PARP10: variants seen among roughly 807,000 people sequenced by gnomAD.
PARP10 encodes poly(ADP-ribose) polymerase family member 10, also known as protein mono-ADP-ribosyltransferase PARP10.
A neutral mutation model predicts 82.4 loss-of-function variants in PARP10; 56 were observed. That is an observed-to-expected ratio of 0.68 (90% CI 0.55 to 0.85). The LOEUF (loss-of-function observed/expected upper bound fraction) is 0.85. Among genes scored for constraint, PARP10 ranks in the 40% least tolerant of loss-of-function variants. The probability of loss-of-function intolerance (pLI) is 0.00; values close to 1 mark genes in which losing one functional copy is unlikely to be tolerated. For synonymous variants in PARP10, 576 were observed against 601.1 expected (o/e 0.96, Z 0.61); for missense variants, 1,227 against 1,379.4 (o/e 0.89, Z 1.75).
Position 143,984,422 on chromosome 8 carries a change from C to T in PARP10, c.1468G>A (p.Ala490Thr). The T allele has an allele frequency of 1.2e-6, 2 of 1,608,724 alleles. No individual in the cohort carries two copies. Among genetic ancestry groups the T allele is most frequent in the Non-Finnish European group, 8.5e-7 (1 of 1,178,638 alleles). ...TCAGCCGCCTGGCAGGAAGCCTGGGCTCCACAGAGCTGCAGGGCCATTGCA... is the reference window on the plus strand; with the variant it reads ...TCAGCCGCCTGGCAGGAAGCCTGGGTTCCACAGAGCTGCAGGGCCATTGCA... ...PDMTGFRLCG[A>T]QASCQAAEEF... Residue 490 changes from alanine (A) to threonine (T), a missense_variant, in exon 6 of 11, where the codon GCC (alanine) becomes ACC (threonine). Physicochemically the swap from Ala to Thr is moderately conservative, Grantham distance 58. Transcript: ENST00000313028.
At position 143,985,282 on chromosome 8, in the gene PARP10, C is replaced by A. The variant is rs1554749007; in HGVS notation, c.720G>T (p.Glu240Asp). 6.2e-7 allele frequency: 1 copy of A among 1,613,118 alleles called. No homozygotes were observed. Among genetic ancestry groups the A allele is most frequent in the Non-Finnish European group, 8.5e-7 (1 of 1,179,544 alleles). Residue 240 changes from glutamate (E) to aspartate (D), a missense_variant, in exon 5 of 11, where the codon GAG (glutamate) becomes GAT (aspartate). Coordinates refer to ENST00000313028, the MANE Select transcript of PARP10 (RefSeq NM_032789.5). ...TGTCGTAGTGGGGGACAAGGCTCAG[C>A]TCTGAGCCCTGCAACCGGTGCTCCT... ...LQQEHRLQGS[E>D]LSLVPHYDIL...
In PARP10 at chr8:143,977,686, C is replaced by T; in HGVS notation, c.2876G>A (p.Gly959Asp). 1 of 1,591,706 alleles carries T rather than the reference C, an allele frequency of 6.3e-7. No individual in the cohort carries two copies. The highest frequency in any genetic ancestry group is 8.5e-7 in the Non-Finnish European group (1 of 1,169,966). The part of the protein sequence containing the change: ...LTGDYGQGRR[G>D]LRAPPLRGPG... ...ACCCCGCAGAGGGGGCGCCCGCAGA[C>T]CGCGGCGGCCCTGCCCGTAGTCGCC... Residue 959 changes from glycine (G) to aspartate (D), a missense_variant, in exon 11 of 11, where the codon GGT (glycine) becomes GAT (aspartate). Transcript: ENST00000313028.
At chr8:143,999,043 C>T (rs1338284466) in intron 1 of PARP10, among the ~76,000 whole-genome samples, 2 of 149,936 alleles carry the variant, frequency 1.3e-5, no homozygotes, top group Non-Finnish European at 1.5e-5. Flanking sequence ...TTCCTTCTTT[C>T]TTTCTTGTTC....
In PARP10 at chr8:144,008,237, C is replaced by A. The variant is rs184186592; in HGVS notation, c.-80+4293G>T. On this transcript the variant is annotated intron_variant, in intron 1 of 3. Coordinates refer to the PARP10 transcript ENST00000530478. The surrounding 1 kb of genome is among the most constrained non-coding windows in gnomAD (Gnocchi z 4.0). ...CAGCGCACCCAGCATGGAGGCAGCACGTTGGGGCCTGTCAGGTGGATGGAA... is the reference window on the plus strand; with the variant it reads ...CAGCGCACCCAGCATGGAGGCAGCAAGTTGGGGCCTGTCAGGTGGATGGAA... Among the ~76,000 whole-genome samples, 1 of 152,274 alleles carries A rather than the reference C, an allele frequency of 6.6e-6. No homozygotes were observed. The highest frequency in any genetic ancestry group is 1.9e-4 in the East Asian group (1 of 5,166).
At chr8:143,982,166 G>C (rs1281837162) in intron 9 of PARP10, among the ~76,000 whole-genome samples, 1 of 152,174 alleles carries the variant, frequency 6.6e-6, no homozygotes, top group Non-Finnish European at 1.5e-5. Context: ...TGGGCATCAA[G>C]AGTTGAGAGT....
rs782318425 is a variant in PARP10 at position 143,983,231 on chromosome 8, C to T, written c.2358G>A (p.Val786=). The T allele has an allele frequency of 3.1e-6, 5 of 1,613,500 alleles. No homozygotes were observed. Among genetic ancestry groups the T allele is most frequent in the Middle Eastern group, 1.6e-4 (1 of 6,084 alleles). ...AHPARAARHL[V]ALLAGPWDQS... ...GATCCCAGGGGCCAGCCAGAAGTGC[C>T]ACCAAGTGGCGGGCAGCACGGGCAG... Residue 786 remains valine, a synonymous_variant, in exon 8 of 11, where the codon GTG becomes GTA. Coordinates refer to ENST00000313028, the MANE Select transcript of PARP10 (RefSeq NM_032789.5).
chr8:144,006,121 C>T (rs149607630), intron 1 of PARP10, among the ~76,000 whole-genome samples: 1 of 152,130 alleles, frequency 6.6e-6, no homozygotes, highest in Non-Finnish European at 1.5e-5. Flanking sequence ...CATTTCCTGG[C>T]AATATAAACA....
In PARP10 at chr8:143,977,960, G is replaced by A. The variant is rs782122072; in HGVS notation, c.2678C>T (p.Ala893Val). 1.2e-6 allele frequency: 2 copies of A among 1,600,020 alleles called. No homozygotes were observed. The highest frequency in any genetic ancestry group is 1.7e-6 in the Non-Finnish European group (2 of 1,179,310). The change falls in exon 10 of 11, where the codon GCA (alanine) becomes GTA (valine). Residue 893 changes from alanine (A) to valine (V), a missense_variant. Ala to Val is a moderately conservative substitution (Grantham distance 64). Transcript: ENST00000313028. ...GCCGTGGGCGCAGATGTCAGGCACT[G>A]CCGGTGCCGTCGTGCCGTGGTACAG... ...QVLYHGTTAP[A>V]VPDICAHGFN...
intron 1 of PARP10, among the ~76,000 whole-genome samples, chr8:144,009,505 T>A (rs1397321813): frequency 4.6e-5 from 7 of 152,156 alleles, no homozygotes; most frequent in African/African-American, 1.7e-4. Context: ...TTCTCTCTCA[T>A]TCGTTCCCCA....
intron 1 of PARP10, among the ~76,000 whole-genome samples, chr8:143,999,286 C>T (rs532455618): frequency 6.6e-6 from 1 of 152,198 alleles, no homozygotes; most frequent in Non-Finnish European, 1.5e-5. Flanking sequence ...ACTGCAACCT[C>T]CACTTCCCAG....
chr8:143,992,374 G>GAGGA, upstream of PARP10: 1 of 1,606,138 alleles, frequency 6.2e-7, no homozygotes, highest in Non-Finnish European at 8.5e-7. Flanking sequence ...CTCCATGCAG[G>GAGGA]TGAGGGGCCT....
upstream of PARP10, among the ~76,000 whole-genome samples, chr8:143,994,242 G>A (rs1488570706): frequency 5.3e-5 from 8 of 152,146 alleles, no homozygotes; most frequent in African/African-American, 1.4e-4. Flanking sequence ...TGATGTCCGC[G>A]GGCACCGCAG....
upstream of PARP10, chr8:143,993,163 C>T (rs1232403352): frequency 1.2e-5 from 4 of 342,078 alleles, no homozygotes; most frequent in Non-Finnish European, 2.2e-5. Context: ...CACCAGGTCC[C>T]GGGGAGAGGG....
upstream of PARP10, chr8:143,991,712 C>T: frequency 6.2e-7 from 1 of 1,612,562 alleles, no homozygotes; most frequent in Non-Finnish European, 8.5e-7. Context: ...TGGAAACTAC[C>T]AGGAGGAGGG....
In PARP10 at chr8:143,985,106, T is replaced by C; in HGVS notation, c.896A>G (p.Glu299Gly). 1 of 1,613,982 alleles carries C rather than the reference T, an allele frequency of 6.2e-7. No individual in the cohort carries two copies. Among genetic ancestry groups the C allele is most frequent in the African/African-American group, 1.3e-5 (1 of 75,016 alleles). The change falls in exon 5 of 11, where the codon GAG becomes GGG. Residue 299 changes from glutamate (E) to glycine (G), a missense_variant. By Grantham distance (98) the Glu-to-Gly change is moderately conservative. Transcript: ENST00000313028. ...AGAGGCCCCTGACTGCCCTGGTTCC[T>C]CGCCAGAGCCCATTGTCACAGTCCC... ...GAGTVTMGSG[E>G]EPGQSGASLR...
At chr8:144,003,223 G>A (rs931932069) in intron 1 of PARP10, among the ~76,000 whole-genome samples, 1 of 152,096 alleles carries the variant, frequency 6.6e-6, no homozygotes, top group Non-Finnish European at 1.5e-5. Flanking sequence ...AGGAGTTTGA[G>A]ATCAGCCTGG....
At position 143,985,605 on chromosome 8, in the gene PARP10, C is replaced by T; in HGVS notation, c.480G>A (p.Glu160=). The change falls in exon 4 of 11, where the codon GAG becomes GAA. Residue 160 remains glutamate (E), a synonymous_variant. Transcript: ENST00000313028. ...CCCGGGCCAGGGACACCAAGGTCCC[C>T]TCCAGGCCCAGATTCTGGGCCTGCT... The part of the protein sequence containing the change: ...LEEQAQNLGL[E]GTLVSLARVP... 1 of 1,613,954 alleles carries T rather than the reference C, an allele frequency of 6.2e-7. No individual in the cohort carries two copies. The highest frequency in any genetic ancestry group is 8.5e-7 in the Non-Finnish European group (1 of 1,179,992).
In PARP10 at chr8:143,983,197, C is replaced by A. The variant is rs1833903030; in HGVS notation, c.2392G>T (p.Ala798Ser). The A allele has an allele frequency of 6.2e-7, 1 of 1,613,676 alleles. No individual in the cohort carries two copies. Among genetic ancestry groups the A allele is most frequent in the African/African-American group, 1.3e-5 (1 of 74,946 alleles). The change falls in exon 8 of 11, where the codon GCC becomes TCC. Residue 798 changes from alanine (A) to serine (S), a missense_variant. Coordinates refer to ENST00000313028, the MANE Select transcript of PARP10 (RefSeq NM_032789.5). Reference sequence around the variant, plus strand: ...GGGCCTGAAGCTGCCAAGGGAAAGGCCAAACTCTGATCCCAGGGGCCAGCC... The same window carrying A: ...GGGCCTGAAGCTGCCAAGGGAAAGGACAAACTCTGATCCCAGGGGCCAGCC... ...LLAGPWDQSL[A>S]FPLAASGPTL...
rs568246280 is a variant in PARP10 at position 143,982,139 on chromosome 8, G to A, written c.2556+793C>T. The stretch of plus-strand genomic sequence containing the variant: ...GCTCCTGGTGGAGGGTGATGCTGCT[G>A]GCCCCACGCACAACTTTGGGCATCA... On this transcript the variant is annotated intron_variant, in intron 9 of 10. Transcript: ENST00000313028. Among the ~76,000 whole-genome samples the A allele has an allele frequency of 2.6e-5, 4 of 152,214 alleles. No homozygotes were observed. In the East Asian group the frequency reaches 7.7e-4, roughly 29 times the overall value.
Sources: allele counts gnomAD v4.1 joint callset (sites outside exome capture counted in the v4.1 genomes callset), GRCh38; gene constraint gnomAD v4.1.1; non-coding constraint Gnocchi (gnomAD v3.1); transcripts MANE v1.5; gene names NCBI Gene and HGNC (gene_info 2026-07-23, HGNC 2026-07-21).